SLC44A2: variants seen among roughly 807,000 people sequenced by gnomAD.
SLC44A2 encodes choline transporter-like protein 2.
In SLC44A2, 57 loss-of-function variants were observed where a neutral mutation model predicts 90.8. That is an observed-to-expected ratio of 0.63 (90% CI 0.51 to 0.78). The LOEUF (loss-of-function observed/expected upper bound fraction) is 0.78. Among genes scored for constraint, SLC44A2 ranks in the 30% least tolerant of loss-of-function variants. SLC44A2 has a pLI of 0.00. For missense variants in SLC44A2, 794 were observed against 919.7 expected (o/e 0.86, Z 1.77); for synonymous variants, 355 against 360.7 (o/e 0.98, Z 0.18).
At chr19:10,633,541 G>C (rs1297784381) in intron 10 of SLC44A2, among the ~76,000 whole-genome samples, 1 of 151,950 alleles carries the variant, frequency 6.6e-6, no homozygotes, top group African/African-American at 2.4e-5. Flanking sequence ...CTGCAGCCTT[G>C]ACCTCCTGGG....
chr19:10,631,169 T>C lies in SLC44A2; in HGVS notation c.330+28T>C, dbSNP rs1225631179. The C allele has an allele frequency of 3.1e-6, 5 of 1,610,250 alleles. No homozygotes were observed. The African/African-American group carries it at 4.0e-5, about 13-fold the overall frequency. On this transcript the variant is annotated intron_variant, in intron 5 of 21. Transcript: ENST00000335757. ...AACCTGGTCCCCACCGTTCCCTTTT[T>C]CCTCTCCCCGCTTCCCATCCTTTTC... is the stretch of plus-strand genomic sequence containing the variant.
At chr19:10,641,134 T>A (rs1200865773) in intron 20 of SLC44A2, 5 of 392,560 alleles carry the variant, frequency 1.3e-5, no homozygotes, top group African/African-American at 1.1e-4. Flanking sequence ...GGCCCACATG[T>A]ATAATCCCAG....
chr19:10,635,464 G>T lies in SLC44A2; in HGVS notation c.1182G>T (p.Lys394Asn), dbSNP rs1178017830. The change falls in exon 14 of 22, where the codon AAG becomes AAT. Residue 394 changes from lysine to asparagine, a missense_variant. By Grantham distance (94) the Lys-to-Asn change is moderately conservative (BLOSUM62 0). Coordinates refer to ENST00000335757, the MANE Select transcript of SLC44A2 (RefSeq NM_020428.4). ...CCACTTCCAACGAAGCGGTCTATAA[G>T]ATCTTTGATGACAGCCCCTGCCCAT... ...FLSTSNEAVY[K>N]IFDDSPCPFT... is the part of the protein sequence containing the mutation. 1 of 1,614,036 alleles carries T rather than the reference G, an allele frequency of 6.2e-7. No homozygotes were observed. The highest frequency in any genetic ancestry group is 1.7e-5 in the Admixed American group (1 of 59,940).
intron 1 of SLC44A2, among the ~76,000 whole-genome samples, chr19:10,613,606 G>GTTC (rs2066831009): frequency 6.6e-6 from 1 of 152,132 alleles, no homozygotes; most frequent in African/African-American, 2.4e-5. Context: ...AAGCACTTTG[G>GTTC]GAGGCTAAGG....
At chr19:10,615,569 G>A (rs1463474136) in intron 1 of SLC44A2, among the ~76,000 whole-genome samples, 5 of 149,306 alleles carry the variant, frequency 3.3e-5, no homozygotes, top group East Asian at 3.9e-4. Context: ...GGGAGACTCC[G>A]TCTCAAAAAA....
intron 1 of SLC44A2, among the ~76,000 whole-genome samples, chr19:10,605,993 C>T (rs991218039): frequency 6.6e-6 from 1 of 151,692 alleles, no homozygotes; most frequent in African/African-American, 2.4e-5. Context: ...GACTCCATCT[C>T]AAAAAACAAC....
At chr19:10,641,082 G>A (rs961274039) in intron 20 of SLC44A2, 10 of 375,050 alleles carry the variant, frequency 2.7e-5, no homozygotes, top group African/African-American at 1.2e-4. Flanking sequence ...GCAAGATTCC[G>A]TCTCAGGAGG....
At chr19:10,610,508 ATTTT>A (rs1295741737) in intron 1 of SLC44A2, among the ~76,000 whole-genome samples, 1 of 130,014 alleles carries the variant, frequency 7.7e-6, no homozygotes, top group Non-Finnish European at 1.6e-5. Context: ...ATTTTTTTGT[ATTTT>A]TTTAGTAGAA....
intron 1 of SLC44A2, among the ~76,000 whole-genome samples, chr19:10,610,494 G>A (rs1230064749): frequency 6.6e-6 from 1 of 150,510 alleles, no homozygotes; most frequent in Non-Finnish European, 1.5e-5. Context: ...ACCATGCCCG[G>A]CTGATTTTTT....
At position 10,643,604 on chromosome 19, in the gene SLC44A2, T is replaced by G; in HGVS notation, c.*219T>G. 1 of 483,508 alleles carries G rather than the reference T, an allele frequency of 2.1e-6. No individual in the cohort carries two copies. The highest frequency in any genetic ancestry group is 3.6e-6 in the Non-Finnish European group (1 of 278,582). 30.0% of individuals were successfully genotyped at this position (483,508 alleles called of 1,614,324 possible). On this transcript the variant is annotated 3_prime_UTR_variant, in exon 22 of 22. Transcript: ENST00000335757. ...AGTTTTCATGGCTGCCCCTCCAGAC[T>G]GCGAGAAACAAGTAAAAACCCATTG...
intron 1 of SLC44A2, among the ~76,000 whole-genome samples, chr19:10,620,187 CAAA>C (rs914688415): frequency 6.8e-6 from 1 of 147,874 alleles, no homozygotes; most frequent in Non-Finnish European, 1.5e-5. Context: ...AAAACAAAAA[CAAA>C]AAAAAAATTA....
At chr19:10,643,019 A>G in intron 21 of SLC44A2, 1 of 1,530,508 alleles carries the variant, frequency 6.5e-7, no homozygotes, top group Non-Finnish European at 8.7e-7. Flanking sequence ...CGAGGAGTAG[A>G]GAGTGAGGGA....
intron 4 of SLC44A2, among the ~76,000 whole-genome samples, chr19:10,629,849 G>A (rs2144853616): frequency 6.6e-6 from 1 of 151,634 alleles, no homozygotes; most frequent in East Asian, 2.0e-4. Flanking sequence ...CGCCACCCAG[G>A]TTCAAGCAAT....
chr19:10,636,908 G>C lies in SLC44A2; in HGVS notation c.1591+152G>C. On this transcript the variant is annotated intron_variant, in intron 16 of 21. Transcript: ENST00000335757. Reference sequence around the variant, plus strand: ...GACGGGGTGGAGTTCAGGAGTTGGCGTGATTGAGTCCTGCGATGGAGGAGC... The same window carrying C: ...GACGGGGTGGAGTTCAGGAGTTGGCCTGATTGAGTCCTGCGATGGAGGAGC... 4 of 794,522 alleles carry C rather than the reference G, an allele frequency of 5.0e-6. No homozygotes were observed. In the South Asian group the frequency reaches 7.2e-5, roughly 14 times the overall value. The allele number at this position is 794,522 out of a possible 1,614,324, so 49.2% of individuals were successfully genotyped here.
At chr19:10,626,190 T>C (rs1433723928) in intron 1 of SLC44A2, 63 bp from the exon 2 acceptor site, 3 of 1,354,248 alleles carry the variant, frequency 2.2e-6, no homozygotes, top group Non-Finnish European at 3.2e-6. Flanking sequence ...GGGAGGGGGC[T>C]CTCCCAGCCC....
rs2163832 is a variant in SLC44A2 at position 10,635,088 on chromosome 19, T to G, written c.1055+15T>G. 1.2e-6 allele frequency: 2 copies of G among 1,613,806 alleles called. No homozygotes were observed. Among genetic ancestry groups the G allele is most frequent in the African/African-American group, 1.3e-5 (1 of 74,900 alleles). ...GAAGCCAGCAGGTGGGGGGCCAGGG[T>G]GCCAGGGGCCAGGATGGAGCTGTCC... On this transcript the variant is annotated intron_variant, in intron 12 of 21. Transcript: ENST00000335757.
rs139123228 is a variant in SLC44A2 at position 10,634,447 on chromosome 19, A to G, written c.824-309A>G. On this transcript the variant is annotated intron_variant, in intron 10 of 21. Transcript: ENST00000335757. ...CCATTGAACTCCAGCCTGGGCAACA[A>G]GAGTGAAACTCCGTCTCAAAAAAAA... Among the ~76,000 whole-genome samples, 1,375 of 150,936 alleles carry G rather than the reference A, an allele frequency of 9.1e-3. 24 individuals are homozygous for G. Among genetic ancestry groups the G allele is most frequent in the African/African-American group, 0.032 (1,310 of 40,930 alleles).
chr19:10,636,956 G>T, intron 16 of SLC44A2, 200 bp downstream of exon 16: 3 of 559,916 alleles, frequency 5.4e-6, no homozygotes, highest in Non-Finnish European at 6.2e-6. Flanking sequence ...CTACTGGGTG[G>T]AATTCTTGCT....
chr19:10,631,471 G>T lies in SLC44A2; in HGVS notation c.442-4G>T. The T allele has an allele frequency of 6.2e-7, 1 of 1,614,046 alleles. No homozygotes were observed. The highest frequency in any genetic ancestry group is 1.1e-5 in the South Asian group (1 of 91,082). On this transcript the variant is annotated splice_polypyrimidine_tract_variant and splice_region_variant and intron_variant, in intron 6 of 21. Transcript: ENST00000335757. ...GACTCACCTCCCTCCATCTCTCTTG[G>T]CAGGGAGTGGCTGAGGTGCTTCAAG... is the stretch of plus-strand genomic sequence containing the variant.
Sources: gnomAD v4.1 joint callset for allele counts (sites outside exome capture counted in the v4.1 genomes callset) on GRCh38, gnomAD v4.1.1 for gene constraint, MANE v1.5 for transcripts, NCBI Gene and HGNC (gene_info 2026-07-23, HGNC 2026-07-21) for gene names.